The following L3MBTL2 variants were observed in gnomAD, a reference collection of about 807,000 sequenced individuals.
L3MBTL2 encodes the protein lethal(3)malignant brain tumor-like protein 2.
Under a neutral mutation model 86.4 loss-of-function variants are expected in L3MBTL2, and 49 were observed. The ratio of observed to expected loss-of-function variants is 0.57; its 90% CI spans 0.45 to 0.72. The LOEUF is 0.72. Ranked by LOEUF, L3MBTL2 falls within the 30% of genes least tolerant of loss-of-function variation. The probability of loss-of-function intolerance (pLI) is 0.00; values close to 1 mark genes in which losing one functional copy is unlikely to be tolerated. For synonymous variants in L3MBTL2, 336 were observed against 350.6 expected, an observed-to-expected ratio of 0.96 and a Z score of 0.47; for missense variants, 755 against 923.7, an observed-to-expected ratio of 0.82 and a Z score of 2.37.
At chr22:41,205,437 CGCTCCGTGGGCCCTTCTTTAGG>C in intron 1 of L3MBTL2, 51 bp downstream of exon 1, 1 of 1,606,884 alleles carries the variant, frequency 6.2e-7, no homozygotes, top group Admixed American at 1.7e-5. Context: ...CCGAGAGCCT[CGCTCCGTGGGCCCTTCTTTAGG>C]GCTTTTAGCG....
At position 41,225,104 on chromosome 22, in the gene L3MBTL2, T is replaced by C; in HGVS notation, c.1356+33T>C. On this transcript the variant is annotated intron_variant, in intron 11 of 16. Transcript: ENST00000216237. This position sits in a 1 kb window ranked among gnomAD's most constrained non-coding sequence, Gnocchi z 4.1. ...AGGGGCCGGCTCTCCAGCCTCCAGA[T>C]TTCTGAGCGGGGGGACCCATGTGGC... 6.4e-7 allele frequency: 1 copy of C among 1,572,700 alleles called. No individual in the cohort carries two copies. The highest frequency in any genetic ancestry group is 1.1e-5 in the South Asian group (1 of 88,124).
intron 1 of L3MBTL2, among the ~76,000 whole-genome samples, chr22:41,206,862 A>G (rs1162070202): frequency 6.6e-6 from 1 of 152,196 alleles, no homozygotes; most frequent in Non-Finnish European, 1.5e-5. Flanking sequence ...AGTTGCAAAT[A>G]TAAGGTGGAA....
Position 41,209,773 on chromosome 22 carries a change from G to A in L3MBTL2, c.102G>A (p.Arg34=). 17 of 1,614,158 alleles carry A rather than the reference G, an allele frequency of 1.1e-5. No homozygotes were observed. The highest frequency in any genetic ancestry group is 1.4e-5 in the Non-Finnish European group (17 of 1,180,036). The stretch of plus-strand genomic sequence containing the variant: ...TGTTTGGTGGCTATGATAGTTTCCG[G>A]AGTTATAACAGCAGTGTGGGCAGTG... The part of the protein sequence containing the change: ...LELFGGYDSF[R]SYNSSVGSES... The change falls in exon 2 of 17, where the codon CGG becomes CGA. Residue 34 remains arginine, a synonymous_variant. Transcript: ENST00000216237.
At chr22:41,228,568 C>T (rs753214369) in intron 15 of L3MBTL2, 953 of 969,302 alleles carry the variant, frequency 9.8e-4, no homozygotes, top group Non-Finnish European at 1.1e-3. Flanking sequence ...TTGAGTGAGG[C>T]GGCCAGGCGC....
rs2032306759 is a variant in L3MBTL2 at position 41,227,937 on chromosome 22, C to T, written c.1888+68C>T. The T allele has an allele frequency of 1.9e-6, 3 of 1,578,800 alleles. No individual in the cohort carries two copies. The highest frequency in any genetic ancestry group is 1.4e-5 in the African/African-American group (1 of 73,908). On this transcript the variant is annotated intron_variant, in intron 15 of 16. Transcript: ENST00000216237. The surrounding 1 kb of genome is among the most constrained non-coding windows in gnomAD (Gnocchi z 6.0). ...AGCAGTGGGCCTGCGTCCCTGGGAG[C>T]AGGCGGGGGTCAGCCCCCAGGCACT... is the stretch of plus-strand genomic sequence containing the variant.
intron 5 of L3MBTL2, chr22:41,217,804 G>C (rs901340188): frequency 3.3e-5 from 5 of 152,916 alleles, no homozygotes; most frequent in African/African-American, 1.2e-4. Flanking sequence ...CCAGGAGGAG[G>C]CCTCTTTAGT....
chr22:41,220,099 A>G (rs1483545263), intron 6 of L3MBTL2, among the ~76,000 whole-genome samples: 1 of 152,208 alleles, frequency 6.6e-6, no homozygotes, highest in Non-Finnish European at 1.5e-5. Flanking sequence ...CTCTAATCCC[A>G]GCACTTTGGA....
At chr22:41,229,111 G>A (rs981635011) in intron 15 of L3MBTL2, among the ~76,000 whole-genome samples, 3 of 152,186 alleles carry the variant, frequency 2.0e-5, no homozygotes, top group Admixed American at 6.5e-5. Context: ...TTTTTAATTA[G>A]CTGGGTATGG....
chr22:41,211,856 C>CTTTTT (rs35869187), intron 2 of L3MBTL2, among the ~76,000 whole-genome samples: 2 of 67,902 alleles, frequency 2.9e-5, no homozygotes, highest in Non-Finnish European at 5.3e-5. Flanking sequence ...CGCACCCGGC[C>CTTTTT]TTTTTTTTTT....
intron 2 of L3MBTL2, among the ~76,000 whole-genome samples, chr22:41,211,989 A>C (rs1374029065): frequency 4.5e-5 from 6 of 133,282 alleles, no homozygotes; most frequent in East Asian, 2.4e-4. Flanking sequence ...TCAGCCTCCC[A>C]AGTAGCTGGG....
rs898480790 is a variant in L3MBTL2, at chr22:41,216,217, C to A, written c.475C>A (p.Gln159Lys). 6.2e-7 allele frequency: 1 copy of A among 1,614,162 alleles called. No homozygotes were observed. Among genetic ancestry groups the A allele is most frequent in the South Asian group, 1.1e-5 (1 of 91,086 alleles). Residue 159 changes from glutamine (Q) to lysine (K), a missense_variant, in exon 4 of 17, where the codon CAA becomes AAA. By Grantham distance (53) the Gln-to-Lys change is moderately conservative. Around this residue, in one of 3 missense-constraint regions of L3MBTL2, gnomAD observed 634 missense variants for 748.9 expected, o/e 0.85. Coordinates refer to ENST00000216237, the MANE Select transcript of L3MBTL2 (RefSeq NM_031488.5). ...SAKIGAFLHS[Q>K]GTGQLADGTP... ...CAAAATTGGAGCCTTCCTCCACTCT[C>A]AAGGGACAGGACAGCTGGCAGATGG...
intron 5 of L3MBTL2, chr22:41,219,037 G>A (rs557633288): frequency 6.0e-5 from 11 of 182,380 alleles, no homozygotes; most frequent in African/African-American, 2.6e-4. Context: ...GATGATTGAA[G>A]GAAAGTATAT....
Position 41,227,780 on chromosome 22 carries a change from T to C in L3MBTL2, c.1823-24T>C. 1 of 1,613,346 alleles carries C rather than the reference T, an allele frequency of 6.2e-7. No individual in the cohort carries two copies. Among genetic ancestry groups the C allele is most frequent in the Non-Finnish European group, 8.5e-7 (1 of 1,179,626 alleles). On this transcript the variant is annotated intron_variant, in intron 14 of 16. Transcript: ENST00000216237. This position sits in a 1 kb window ranked among gnomAD's most constrained non-coding sequence, Gnocchi z 6.0. ...TCCCAGGGACCCTCTTCTCATCTCT[T>C]TCACCCTTGTCTTTCAACAACAGAA...
rs142707712 is a variant in L3MBTL2 at position 41,224,325 on chromosome 22, C to T, written c.1174+74C>T. ...GACGGAGTGGGAGCACCTTCCTACT[C>T]GTCACAGCAGGTCAGCAGGTGGAGG... On this transcript the variant is annotated intron_variant, in intron 9 of 16. Coordinates refer to ENST00000216237, the MANE Select transcript of L3MBTL2 (RefSeq NM_031488.5). This position sits in a 1 kb window ranked among gnomAD's most constrained non-coding sequence, Gnocchi z 4.9. 4.1e-6 allele frequency: 5 copies of T among 1,227,160 alleles called. No homozygotes were observed. Among genetic ancestry groups the T allele is most frequent in the South Asian group, 2.7e-5 (2 of 74,532 alleles). 76.0% of individuals were successfully genotyped at this position (1,227,160 alleles called of 1,614,324 possible).
Position 41,205,699 on chromosome 22 carries a change from G to C in L3MBTL2, c.24+313G>C, listed in dbSNP as rs557659283. On this transcript the variant is annotated intron_variant, in intron 1 of 16. Transcript: ENST00000216237. Reference sequence around the variant, plus strand: ...CTTGTCTCGTGGCTGTGTTGTTTAGGGCTTGTGAGGCCTGTTACATGAGGT... The same window carrying C: ...CTTGTCTCGTGGCTGTGTTGTTTAGCGCTTGTGAGGCCTGTTACATGAGGT... Among the ~76,000 whole-genome samples, 7 of 152,180 alleles carry C rather than the reference G, an allele frequency of 4.6e-5. No individual in the cohort carries two copies. The East Asian group carries it at 1.4e-3, about 29-fold the overall frequency.
At chr22:41,228,363 C>T (rs1197122305) in intron 15 of L3MBTL2, 2 of 985,364 alleles carry the variant, frequency 2.0e-6, no homozygotes, top group Non-Finnish European at 2.4e-6. Flanking sequence ...CCGTGGGTGT[C>T]GTTTCCCTTG....
At chr22:41,216,469 C>G (rs759830837) in intron 4 of L3MBTL2, among the ~76,000 whole-genome samples, 9 of 152,160 alleles carry the variant, frequency 5.9e-5, no homozygotes, top group Non-Finnish European at 1.0e-4. Flanking sequence ...CTTAAATTAT[C>G]AGGACTCCTA....
At position 41,205,328 on chromosome 22, in the gene L3MBTL2, C is replaced by G; in HGVS notation, c.-35C>G. 5 of 1,614,096 alleles carry G rather than the reference C, an allele frequency of 3.1e-6. No individual in the cohort carries two copies. The highest frequency in any genetic ancestry group is 4.2e-6 in the Non-Finnish European group (5 of 1,179,970). ...CGACGGGGCAGGCCAATATGGCTTC[C>G]TGCACCTGGTGACGCTTGGCGAAAC... On this transcript the variant is annotated 5_prime_UTR_variant, in exon 1 of 17. Coordinates refer to ENST00000216237, the MANE Select transcript of L3MBTL2 (RefSeq NM_031488.5).
In L3MBTL2 at chr22:41,215,704, A is replaced by ACCCTCTCCTGAACATTCGCCTATGTGGG. The variant is rs71200673; in HGVS notation, c.397-427_397-426insTGAACATTCGCCTATGTGGGCCCTCTCC. 6.0e-3 allele frequency among the ~76,000 whole-genome samples: 852 copies of ACCCTCTCCTGAACATTCGCCTATGTGGG among 142,266 alleles called. 14 individuals are homozygous for ACCCTCTCCTGAACATTCGCCTATGTGGG. Among genetic ancestry groups the ACCCTCTCCTGAACATTCGCCTATGTGGG allele is most frequent in the Non-Finnish European group, 9.5e-3 (609 of 64,414 alleles). 93.3% of individuals were successfully genotyped at this position (142,266 alleles called of 152,430 possible). A position where few individuals can be genotyped will look rare whatever the true frequency, so the allele number is the denominator to read the frequency against. On this transcript the variant is annotated intron_variant, in intron 3 of 16. Transcript: ENST00000216237. ...CTCTCCCGAACATTCGCCTATGTGGACCCTCTCCCGAACATTCGCCTATGT... is the reference window on the plus strand; with the variant it reads ...CTCTCCCGAACATTCGCCTATGTGGACCCTCTCCTGAACATTCGCCTATGTGGGCCCTCTCCCGAACATTCGCCTATGT...
Sources: allele counts gnomAD v4.1 joint callset (sites outside exome capture counted in the v4.1 genomes callset), GRCh38; gene constraint gnomAD v4.1.1; regional missense constraint gnomAD v4.1.1; non-coding constraint Gnocchi (gnomAD v3.1); transcripts MANE v1.5; gene names NCBI Gene and HGNC (gene_info 2026-07-23, HGNC 2026-07-21).